The following SEMA3D variants were observed in gnomAD, a reference collection of about 807,000 sequenced individuals.
SEMA3D encodes the protein semaphorin-3D.
Under a neutral mutation model 100.1 loss-of-function variants are expected in SEMA3D, and 84 were observed. The observed-to-expected ratio is 0.84, with a 90% CI of 0.70 to 1.01. SEMA3D has a LOEUF of 1.01. Among genes scored for constraint, SEMA3D ranks in the 50% least tolerant of loss-of-function variants. The pLI is 0.00. For missense variants in SEMA3D, 875 were observed against 934.1 expected, an observed-to-expected ratio of 0.94 and a Z score of 0.82; for synonymous variants, 312 against 320.7, an observed-to-expected ratio of 0.97 and a Z score of 0.29.
chr7:85,003,846 G>A (rs1244718283), intron 18 of SEMA3D, among the ~76,000 whole-genome samples: 2 of 152,020 alleles, frequency 1.3e-5, no homozygotes, highest in African/African-American at 2.4e-5. Flanking sequence ...TTCTTAAATT[G>A]TGAACCATAA....
rs572336852 is a variant in SEMA3D at position 85,129,137 on chromosome 7, T to C, written c.-40-7206A>G. 5.3e-5 allele frequency among the ~76,000 whole-genome samples: 8 copies of C among 152,094 alleles called. No individual in the cohort carries two copies. The South Asian group carries it at 1.7e-3, about 31-fold the overall frequency. On this transcript the variant is annotated intron_variant, in intron 2 of 18. Transcript: ENST00000284136. The stretch of plus-strand genomic sequence containing the variant: ...AACTCCTGGCCTCAAGTGATCATCC[T>C]GCTTCAACCTCCCAAAGTATTGGGA...
intron 2 of SEMA3D, chr7:85,142,809 G>A (rs1790095447): frequency 9.1e-6 from 9 of 984,098 alleles, no homozygotes; most frequent in Non-Finnish European, 9.6e-6. Context: ...TTCTCTCTTC[G>A]GCTGGGTGAT....
Position 84,999,774 on chromosome 7 carries a change from G to T in SEMA3D, c.2000C>A (p.Ala667Asp). 1 of 1,613,924 alleles carries T rather than the reference G, an allele frequency of 6.2e-7. No individual in the cohort carries two copies. Among genetic ancestry groups the T allele is most frequent in the African/African-American group, 1.3e-5 (1 of 75,012 alleles). Residue 667 changes from alanine to aspartate, a missense_variant, in exon 19 of 19, where the codon GCC becomes GAC. By Grantham distance (126) the Ala-to-Asp change is moderately radical (BLOSUM62 -2). Transcript: ENST00000284136. Reference protein sequence around the residue: ...KKDSGMYYCKAQEHTFIHTIV... With the variant: ...KKDSGMYYCKDQEHTFIHTIV... Reference sequence around the variant, plus strand: ...GGTGTGGATGAAAGTGTGCTCCTGGGCTTTGCAGTAATACATCCCAGAATC... The same window carrying T: ...GGTGTGGATGAAAGTGTGCTCCTGGTCTTTGCAGTAATACATCCCAGAATC...
rs149775437 is a variant in SEMA3D at position 85,174,335 on chromosome 7, T to C, written c.-173+12343A>G. 6.1e-4 allele frequency among the ~76,000 whole-genome samples: 93 copies of C among 152,150 alleles called. No homozygotes were observed. In the East Asian group the frequency reaches 0.017, roughly 28 times the overall value. On this transcript the variant is annotated intron_variant, in intron 1 of 18. Transcript: ENST00000284136. ...TGCCTGGCATGCAGCGGGTGCACAATAAATACTCATTAAAGAAAAGACAAA... is the reference window on the plus strand; with the variant it reads ...TGCCTGGCATGCAGCGGGTGCACAACAAATACTCATTAAAGAAAAGACAAA...
the SEMA3D span, among the ~76,000 whole-genome samples, chr7:85,240,252 G>A: frequency 6.6e-6 from 1 of 152,024 alleles, no homozygotes; most frequent in East Asian, 1.9e-4. Context: ...TGATTGATAT[G>A]ATCATACGAT....
At chr7:85,134,373 T>C (rs1789801691) in intron 2 of SEMA3D, among the ~76,000 whole-genome samples, 1 of 152,060 alleles carries the variant, frequency 6.6e-6, no homozygotes, top group African/African-American at 2.4e-5. Flanking sequence ...AAGGCTTATT[T>C]GGATATTGTA....
intron 3 of SEMA3D, among the ~76,000 whole-genome samples, chr7:85,119,540 T>A (rs1283901545): frequency 6.6e-6 from 1 of 152,126 alleles, no homozygotes; most frequent in African/African-American, 2.4e-5. Flanking sequence ...CTCTCACTTA[T>A]AAGTGGGAAC....
intron 2 of SEMA3D, among the ~76,000 whole-genome samples, chr7:85,130,141 G>C (rs1285871206): frequency 1.3e-5 from 2 of 152,108 alleles, no homozygotes; most frequent in Middle Eastern, 3.2e-3. Flanking sequence ...AGGCAGATGT[G>C]AAAGGAACTT....
chr7:85,156,264 G>A (rs1790593680), intron 1 of SEMA3D, among the ~76,000 whole-genome samples: 1 of 151,822 alleles, frequency 6.6e-6, no homozygotes, highest in African/African-American at 2.4e-5. Context: ...CACCACACCT[G>A]GCTAACTTTT....
At chr7:85,244,206 C>A in the SEMA3D span, among the ~76,000 whole-genome samples, 18 of 152,252 alleles carry the variant, frequency 1.2e-4, no homozygotes, top group East Asian at 3.3e-3. Flanking sequence ...GATAAGTGGA[C>A]ATGAGCAAAG....
chr7:85,209,034 C>T, the SEMA3D span, among the ~76,000 whole-genome samples: 33 of 152,010 alleles, frequency 2.2e-4, no homozygotes, highest in South Asian at 5.8e-3. Context: ...TACAACACTG[C>T]GTATGACCAG....
intron 5 of SEMA3D, 115 bp downstream of exon 5, chr7:85,081,402 G>C (rs2116232761): frequency 1.6e-6 from 1 of 637,358 alleles, no homozygotes; most frequent in East Asian, 2.7e-5. Flanking sequence ...GAATATGTTA[G>C]TTTAGTCTGA....
Position 85,098,666 on chromosome 7 carries a change from C to T in SEMA3D, c.152-701G>A, listed in dbSNP as rs1036114094. On this transcript the variant is annotated intron_variant, in intron 3 of 18. Transcript: ENST00000284136. The stretch of plus-strand genomic sequence containing the variant: ...TGTTATAATTATTACAATCAATAAA[C>T]CTACACTGGCACATATTAATCTTCC... Among the ~76,000 whole-genome samples, 7 of 151,822 alleles carry T rather than the reference C, an allele frequency of 4.6e-5. No individual in the cohort carries two copies. The South Asian group carries it at 6.2e-4, about 13-fold the overall frequency.
At chr7:85,050,883 A>C (rs529005883) in intron 9 of SEMA3D, 52 of 387,880 alleles carry the variant, frequency 1.3e-4, no homozygotes, top group East Asian at 8.5e-4. Flanking sequence ...ATCAACACCA[A>C]CTTCTTCCAT....
intron 9 of SEMA3D, among the ~76,000 whole-genome samples, chr7:85,043,471 G>A (rs1337241595): frequency 2.0e-5 from 3 of 152,064 alleles, no homozygotes; most frequent in Non-Finnish European, 4.4e-5. Context: ...TAAGCATTTA[G>A]TAAAACATAA....
chr7:85,048,626 C>G (rs1415252478), intron 9 of SEMA3D, among the ~76,000 whole-genome samples: 2 of 151,810 alleles, frequency 1.3e-5, no homozygotes, highest in African/African-American at 4.8e-5. Context: ...TTGAACTACC[C>G]TTTTTAGCCT....
At chr7:85,101,692 C>G (rs551644331) in intron 3 of SEMA3D, among the ~76,000 whole-genome samples, 1 of 151,926 alleles carries the variant, frequency 6.6e-6, no homozygotes, top group African/African-American at 2.4e-5. Flanking sequence ...AAAGTCTATA[C>G]CAAATGTATA....
At chr7:85,118,927 C>T (rs1562825150) in intron 3 of SEMA3D, among the ~76,000 whole-genome samples, 2 of 151,746 alleles carry the variant, frequency 1.3e-5, no homozygotes, top group Non-Finnish European at 2.9e-5. Flanking sequence ...AAATAAACAA[C>T]ACCACTAAAA....
chr7:85,029,013 C>A, intron 12 of SEMA3D: 1 of 404,684 alleles, frequency 2.5e-6, no homozygotes, highest in South Asian at 2.5e-5. Context: ...TTTTGGATGT[C>A]ACTCCTCTTT....
Sources: allele counts gnomAD v4.1 joint callset (sites outside exome capture counted in the v4.1 genomes callset), GRCh38; gene constraint gnomAD v4.1.1; transcripts MANE v1.5; gene names NCBI Gene and HGNC (gene_info 2026-07-23, HGNC 2026-07-21).